The following SEMA5A variants were observed in gnomAD, a reference collection of about 807,000 sequenced individuals.
SEMA5A encodes the protein semaphorin 5A, also known as semaphorin-5A.
In SEMA5A, 55 loss-of-function variants were observed where a neutral mutation model predicts 135.5. The observed-to-expected ratio is 0.41, with a 90% CI of 0.33 to 0.51. The LOEUF (loss-of-function observed/expected upper bound fraction) is 0.51. Ranked by LOEUF, SEMA5A falls within the 20% of genes least tolerant of loss-of-function variation. The pLI, the probability that SEMA5A is intolerant of heterozygous loss-of-function variation, is 0.37. For missense variants in SEMA5A, 1,290 were observed against 1,419.9 expected (o/e 0.91, Z 1.47); for synonymous variants, 580 against 546.5 (o/e 1.06, Z -0.85).
chr5:9,423,717 G>C (rs1019925305), intron 2 of SEMA5A, among the ~76,000 whole-genome samples: 7 of 152,238 alleles, frequency 4.6e-5, no homozygotes, highest in African/African-American at 1.7e-4. Flanking sequence ...AACAATGCAA[G>C]TGAGGTTAAC....
chr5:9,061,431 T>G (rs1479177874), intron 18 of SEMA5A, among the ~76,000 whole-genome samples: 1 of 152,010 alleles, frequency 6.6e-6, no homozygotes, highest in Non-Finnish European at 1.5e-5. Flanking sequence ...CAGGAGTCCC[T>G]GTCCTCATGG....
intron 7 of SEMA5A, among the ~76,000 whole-genome samples, chr5:9,225,814 G>A (rs567046349): frequency 6.6e-6 from 1 of 152,152 alleles, no homozygotes; most frequent in East Asian, 1.9e-4. Flanking sequence ...AATGAGAAAA[G>A]CTCTTGGGTA....
intron 6 of SEMA5A, among the ~76,000 whole-genome samples, chr5:9,235,281 G>A (rs1747840022): frequency 6.6e-6 from 1 of 151,914 alleles, no homozygotes; most frequent in Non-Finnish European, 1.5e-5. Context: ...AATATGAGAG[G>A]ACTCTAGGGA....
At chr5:9,287,108 C>T (rs190782668) in intron 5 of SEMA5A, among the ~76,000 whole-genome samples, 21 of 152,346 alleles carry the variant, frequency 1.4e-4, no homozygotes, top group South Asian at 6.2e-4. Flanking sequence ...AACCCTCCCC[C>T]GTCCACCTGC....
chr5:9,314,905 T>C (rs1752325291), intron 5 of SEMA5A, among the ~76,000 whole-genome samples: 1 of 152,118 alleles, frequency 6.6e-6, no homozygotes, highest in Admixed American at 6.6e-5. Flanking sequence ...CTTGGTGCTA[T>C]GTCAGTAGAC....
chr5:9,463,856 C>T (rs1177261667), intron 1 of SEMA5A, among the ~76,000 whole-genome samples: 1 of 152,170 alleles, frequency 6.6e-6, no homozygotes, highest in Non-Finnish European at 1.5e-5. Context: ...GTACTCCACA[C>T]CCCCCTGAAG....
intron 13 of SEMA5A, among the ~76,000 whole-genome samples, chr5:9,136,248 A>G (rs1741735927): frequency 6.6e-6 from 1 of 152,224 alleles, no homozygotes; most frequent in African/African-American, 2.4e-5. Context: ...AAAACAAACC[A>G]TAAACTCCAT....
chr5:9,081,552 C>T (rs921646687), intron 16 of SEMA5A, among the ~76,000 whole-genome samples: 1 of 152,134 alleles, frequency 6.6e-6, no homozygotes, highest in African/African-American at 2.4e-5. Context: ...TTCTCCAATG[C>T]TTTCTCATGA....
intron 8 of SEMA5A, among the ~76,000 whole-genome samples, chr5:9,209,360 AAC>A (rs1746222044): frequency 6.6e-6 from 1 of 152,204 alleles, no homozygotes; most frequent in South Asian, 2.1e-4. Flanking sequence ...AAATTGTCAA[AAC>A]ACAAAATTTC....
chr5:9,420,478 A>G (rs555771819), intron 2 of SEMA5A, among the ~76,000 whole-genome samples: 30 of 152,234 alleles, frequency 2.0e-4, no homozygotes, highest in Admixed American at 1.4e-3. Context: ...TCAAATACCT[A>G]AGGGCAGACT....
intron 5 of SEMA5A, among the ~76,000 whole-genome samples, chr5:9,288,790 T>C (rs1476006629): frequency 1.3e-5 from 2 of 152,174 alleles, no homozygotes; most frequent in Non-Finnish European, 2.9e-5. Context: ...CTTGGTAAGA[T>C]TAAGCCCACA....
chr5:9,279,639 T>C (rs1172692482), intron 5 of SEMA5A, among the ~76,000 whole-genome samples: 2 of 152,068 alleles, frequency 1.3e-5, no homozygotes, highest in Admixed American at 6.5e-5. Context: ...TGGAAGGTGA[T>C]TGGATCACAG....
chr5:9,462,211 G>T (rs532929880), intron 1 of SEMA5A, among the ~76,000 whole-genome samples: 1 of 152,228 alleles, frequency 6.6e-6, no homozygotes, highest in East Asian at 1.9e-4. Flanking sequence ...CAGCCAAAAA[G>T]CACATGAGAA....
At position 9,172,850 on chromosome 5, in the gene SEMA5A, A is replaced by T. The variant is rs574619130; in HGVS notation, c.1273+17417T>A. ...CTCAATTTTAATTCCTCAAAGAAAC[A>T]TACTATGTATTTAACAAGATTCACT... On this transcript the variant is annotated intron_variant, in intron 11 of 22. Coordinates refer to ENST00000382496, the MANE Select transcript of SEMA5A (RefSeq NM_003966.3). Among the ~76,000 whole-genome samples the T allele has an allele frequency of 3.9e-4, 60 of 152,364 alleles. 2 individuals carry two copies. In the Middle Eastern group the frequency reaches 0.024, roughly 60 times the overall value.
chr5:9,305,752 A>G (rs1055084997), intron 5 of SEMA5A, among the ~76,000 whole-genome samples: 1 of 150,574 alleles, frequency 6.6e-6, no homozygotes, highest in South Asian at 2.1e-4. Context: ...ACACACACAC[A>G]CACATATATA....
rs548611164 is a variant in SEMA5A, at chr5:9,450,248, A to G, written c.-174-12396T>C. ...CAGTCAAGTGGGGAGAACGAGGCCA[A>G]CCCGGTGGCCAATAGGGACCAAGAA... is the stretch of plus-strand genomic sequence containing the variant. On this transcript the variant is annotated intron_variant, in intron 1 of 22. Transcript: ENST00000382496. Among the ~76,000 whole-genome samples, 3 of 152,210 alleles carry G rather than the reference A, an allele frequency of 2.0e-5. No individual in the cohort carries two copies. The South Asian group carries it at 6.2e-4, about 32-fold the overall frequency.
chr5:9,324,879 G>A (rs889373809), intron 4 of SEMA5A, among the ~76,000 whole-genome samples: 31 of 152,192 alleles, frequency 2.0e-4, no homozygotes, highest in African/African-American at 7.2e-4. Context: ...TCTGGCCCCT[G>A]GCCAACTGGA....
At position 9,191,662 on chromosome 5, in the gene SEMA5A, G is replaced by A. The variant is rs113801758; in HGVS notation, c.1069-1191C>T. Among the ~76,000 whole-genome samples the A allele has an allele frequency of 1.2e-4, 19 of 152,334 alleles. 1 individual carries two copies. The highest frequency in any genetic ancestry group is 4.1e-4 in the African/African-American group (17 of 41,580). ...ATATTTGTATAGCATTTGATAAAAT[G>A]CTCCATAAGCCATAAAATGATGGGA... On this transcript the variant is annotated intron_variant, in intron 10 of 22. Transcript: ENST00000382496.
At chr5:9,282,966 G>C (rs371336680) in intron 5 of SEMA5A, among the ~76,000 whole-genome samples, 6 of 152,278 alleles carry the variant, frequency 3.9e-5, no homozygotes, top group African/African-American at 1.4e-4. Flanking sequence ...ACTCTCCATA[G>C]AAGAGCCTCC....
Sources: allele counts gnomAD v4.1 joint callset (sites outside exome capture counted in the v4.1 genomes callset), GRCh38; gene constraint gnomAD v4.1.1; transcripts MANE v1.5; gene names NCBI Gene and HGNC (gene_info 2026-07-23, HGNC 2026-07-21).